Variants in MAN2A2 observed in about 807,000 individuals in gnomAD.
The protein encoded by MAN2A2 is mannosidase alpha class 2A member 2.
Under a neutral mutation model 126.8 loss-of-function variants are expected in MAN2A2, and 79 were observed. The ratio of observed to expected loss-of-function variants is 0.62; its 90% CI spans 0.52 to 0.75. The LOEUF is 0.75. Among genes scored for constraint, MAN2A2 ranks in the 30% least tolerant of loss-of-function variants. The probability of loss-of-function intolerance (pLI) is 0.00; values close to 1 mark genes in which losing one functional copy is unlikely to be tolerated. For missense variants in MAN2A2, 1,392 were observed against 1,522.4 expected (o/e 0.91, Z 1.43); for synonymous variants, 671 against 618.7 (o/e 1.08, Z -1.25).
At chr15:90,909,950 C>T (rs772526469) in intron 9 of MAN2A2, 140 bp from the exon 10 acceptor site, 12 of 731,886 alleles carry the variant, frequency 1.6e-5, no homozygotes, top group Non-Finnish European at 2.6e-5. Flanking sequence ...TCCCCTACTT[C>T]TGTTAAGTCT....
At chr15:90,905,536 C>T in intron 3 of MAN2A2, 28 bp downstream of exon 3, 1 of 1,614,078 alleles carries the variant, frequency 6.2e-7, no homozygotes, top group Non-Finnish European at 8.5e-7. Flanking sequence ...CAGGGACGTA[C>T]AGTGGCCACG....
At chr15:90,906,165 A>G (rs919590296) in intron 5 of MAN2A2, 149 bp downstream of exon 5, 17 of 1,337,978 alleles carry the variant, frequency 1.3e-5, no homozygotes, top group Non-Finnish European at 1.7e-5. Context: ...GAGGGAAGGC[A>G]AAAACAGATA....
Position 90,910,994 on chromosome 15 carries a change from C to G in MAN2A2, c.1875+33C>G, listed in dbSNP as rs773533564. 2.5e-6 allele frequency: 4 copies of G among 1,571,122 alleles called. No individual in the cohort carries two copies. The Admixed American group carries it at 5.0e-5, about 20-fold the overall frequency. ...CCTCCTGGGTCTGCATGGGGACCCTCTGGTGTGTGCAGGTCCCATCCCAAG... is the reference window on the plus strand; with the variant it reads ...CCTCCTGGGTCTGCATGGGGACCCTGTGGTGTGTGCAGGTCCCATCCCAAG... On this transcript the variant is annotated intron_variant, in intron 12 of 22. Transcript: ENST00000559717.
At chr15:90,919,242 CAT>C (rs2035418187) in intron 22 of MAN2A2, among the ~76,000 whole-genome samples, 3 of 152,206 alleles carry the variant, frequency 2.0e-5, no homozygotes, top group Admixed American at 1.3e-4. Context: ...GATGCACACT[CAT>C]GTGTAAGAAG....
chr15:90,916,025 G>A lies in MAN2A2; in HGVS notation c.2861-98G>A, dbSNP rs1007817315. 3.1e-5 allele frequency: 43 copies of A among 1,401,428 alleles called. 1 individual carries two copies. Among genetic ancestry groups the A allele is most frequent in the Middle Eastern group, 2.1e-4 (1 of 4,862 alleles). The allele number at this position is 1,401,428 out of a possible 1,614,324, so 86.8% of individuals were successfully genotyped here. ...ACTCAGCTTCTGTCTCTCGAGCTGC[G>A]CTTTTCCGTCAGGGCCTGTGGCTTG... On this transcript the variant is annotated intron_variant, in intron 19 of 22. Coordinates refer to ENST00000559717, the MANE Select transcript of MAN2A2 (RefSeq NM_006122.4).
At chr15:90,913,214 C>G in intron 17 of MAN2A2, 59 bp from the exon 18 acceptor site, 1 of 1,590,808 alleles carries the variant, frequency 6.3e-7, no homozygotes, top group South Asian at 1.1e-5. Context: ...CCAGCCCAGC[C>G]TCTTAGCTGT....
At chr15:90,911,348 C>T (rs1414719839) in intron 13 of MAN2A2, 37 bp from the exon 14 acceptor site, 1 of 1,613,364 alleles carries the variant, frequency 6.2e-7, no homozygotes, top group South Asian at 1.1e-5. Flanking sequence ...TGGTCGGAAG[C>T]AGCAGCCTCC....
chr15:90,913,235 C>A (rs1035502911), intron 17 of MAN2A2, 38 bp from the exon 18 acceptor site: 2 of 1,608,590 alleles, frequency 1.2e-6, no homozygotes, highest in African/African-American at 1.3e-5. Context: ...GCTTCAGCCT[C>A]ACACCTGTCC....
intron 9 of MAN2A2, 101 bp downstream of exon 9, chr15:90,909,605 C>CTTTTTT (rs147151470): frequency 4.7e-6 from 4 of 849,482 alleles, no homozygotes; most frequent in African/African-American, 3.6e-5. Flanking sequence ...GGGTGCCCCC[C>CTTTTTT]TTTTTTTTTT....
At position 90,907,342 on chromosome 15, in the gene MAN2A2, T is replaced by C. The variant is rs1296450234; in HGVS notation, c.1043T>C (p.Met348Thr). 6.2e-7 allele frequency: 1 copy of C among 1,614,026 alleles called. No individual in the cohort carries two copies. Among genetic ancestry groups the C allele is most frequent in the African/African-American group, 1.3e-5 (1 of 74,956 alleles). Residue 348 changes from methionine (M) to threonine (T), a missense_variant, in exon 8 of 23, where the codon ATG becomes ACG. Physicochemically the swap from Met to Thr is moderately conservative, Grantham distance 81 (BLOSUM62 -1). Transcript: ENST00000559717. ...TCCAGCACAGACATCTTCTGTCACA[T>C]GATGCCCTTCTACAGCTATGACGTC... ...SDSSTDIFCH[M>T]MPFYSYDVPH... is the part of the protein sequence containing the mutation.
rs776175036 is a variant in MAN2A2 at position 90,912,247 on chromosome 15, G to A, written c.2314G>A (p.Val772Ile). 8 of 1,614,250 alleles carry A rather than the reference G, an allele frequency of 5.0e-6. 1 individual carries two copies. The South Asian group carries it at 8.8e-5, about 18-fold the overall frequency. The change falls in exon 15 of 23, where the codon GTC becomes ATC. Residue 772 changes from valine to isoleucine, a missense_variant. Val to Ile is a conservative substitution (Grantham distance 29, BLOSUM62 3). Transcript: ENST00000559717. ...CGCCCTCAGCAACCGCTACATGCAG[G>A]TCTGGTTCTCAGGCCTTACTGGGCT... ...DFALSNRYMQ[V>I]WFSGLTGLLK...
chr15:90,908,306 AG>A (rs2034454081), intron 8 of MAN2A2, among the ~76,000 whole-genome samples: 1 of 152,240 alleles, frequency 6.6e-6, no homozygotes, highest in East Asian at 1.9e-4. Flanking sequence ...GTGGTATTTG[AG>A]GAATCCTCTC....
At position 90,920,190 on chromosome 15, in the gene MAN2A2, C is replaced by T; in HGVS notation, c.*403C>T. On this transcript the variant is annotated 3_prime_UTR_variant, in exon 23 of 23. Coordinates refer to ENST00000559717, the MANE Select transcript of MAN2A2 (RefSeq NM_006122.4). ...CAGCCCAGCATCAGGGTCACTGTGG[C>T]AACAGCAGGCTCTAGGGGAATCCTG... The T allele has an allele frequency of 5.0e-6, 1 of 200,474 alleles. No individual in the cohort carries two copies. The highest frequency in any genetic ancestry group is 1.0e-5 in the Non-Finnish European group (1 of 97,376). The allele number at this position is 200,474 out of a possible 1,614,324, so 12.4% of individuals were successfully genotyped here. A position where few individuals can be genotyped will look rare whatever the true frequency, so the allele number is the denominator to read the frequency against.
Position 90,918,229 on chromosome 15 carries a change from C to T in MAN2A2, c.3030C>T (p.Leu1010=), listed in dbSNP as rs1486549934. 1 of 1,613,972 alleles carries T rather than the reference C, an allele frequency of 6.2e-7. No individual in the cohort carries two copies. The highest frequency in any genetic ancestry group is 1.3e-5 in the African/African-American group (1 of 74,908). Residue 1010 remains leucine, a synonymous_variant, in exon 21 of 23, where the codon CTC becomes CTT. Transcript: ENST00000559717. ...GCCACTCTACCAGCTACCCATCCCT[C>T]CTCAGCCACCTGACCTCCATGTACC... ...QDSHSTSYPS[L]LSHLTSMYLN...
In MAN2A2 at chr15:90,905,267, T is replaced by C. The variant is rs1454440318; in HGVS notation, c.149T>C (p.Leu50Pro). ...TTTTGGCAGAGCCAAATTTCTGTGC[T>C]GCAGAACCGCATTGAGCAGCTGGAG... The part of the protein sequence containing the change: ...GNFPRSQISV[L>P]QNRIEQLEQL... The change falls in exon 3 of 23, where the codon CTG becomes CCG. Residue 50 changes from leucine to proline, a missense_variant. Physicochemically the swap from Leu to Pro is moderately conservative, Grantham distance 98 (BLOSUM62 -3). Transcript: ENST00000559717. The C allele has an allele frequency of 6.2e-7, 1 of 1,612,928 alleles. No individual in the cohort carries two copies. The highest frequency in any genetic ancestry group is 8.5e-7 in the Non-Finnish European group (1 of 1,180,016).
In MAN2A2 at chr15:90,913,704, C is replaced by CGCCTCACGCTGCACACTGCCCAG; in HGVS notation, c.2813_2835dup (p.Leu946SerfsTer21). ...GGCCTATATCCAGGACGCACAGAAGCGCCTCACGCTGCACACTGCCCAGGC... is the reference window on the plus strand; with the variant it reads ...GGCCTATATCCAGGACGCACAGAAGCGCCTCACGCTGCACACTGCCCAGGCCTCACGCTGCACACTGCCCAGGC... On this transcript the variant is annotated frameshift_variant, in exon 19 of 23. Coordinates refer to ENST00000559717, the MANE Select transcript of MAN2A2 (RefSeq NM_006122.4). LOFTEE classifies it high-confidence loss of function. 1 of 1,605,990 alleles carries CGCCTCACGCTGCACACTGCCCAG rather than the reference C, an allele frequency of 6.2e-7. No individual in the cohort carries two copies.
In MAN2A2 at chr15:90,910,697, CT is replaced by C; in HGVS notation, c.1760+18del. ...CTATGGGGTCAGGTGGGAGCCTTCTCTTTTCCCTTGTAAGCTCCCCTGCTCA... is the reference window on the plus strand; with the variant it reads ...CTATGGGGTCAGGTGGGAGCCTTCTCTTTCCCTTGTAAGCTCCCCTGCTCA... On this transcript the variant is annotated intron_variant, in intron 11 of 22. Transcript: ENST00000559717. 6.2e-7 allele frequency: 1 copy of C among 1,613,092 alleles called. No homozygotes were observed. The highest frequency in any genetic ancestry group is 1.1e-5 in the South Asian group (1 of 91,076).
In MAN2A2 at chr15:90,904,631, C is replaced by T. The variant is rs899226629; in HGVS notation, c.132+292C>T. Among the ~76,000 whole-genome samples, 6 of 151,950 alleles carry T rather than the reference C, an allele frequency of 3.9e-5. No homozygotes were observed. In the East Asian group the frequency reaches 9.7e-4, roughly 24 times the overall value. ...TTGAGACAGAGTCTCGCTCTGTCGC[C>T]CAGCCTTGAGTGCAGTGGCGCGATC... On this transcript the variant is annotated intron_variant, in intron 2 of 22. Transcript: ENST00000559717.
Position 90,910,609 on chromosome 15 carries a change from A to C in MAN2A2, c.1686A>C (p.Thr562=). The C allele has an allele frequency of 6.2e-7, 1 of 1,614,108 alleles. No homozygotes were observed. The highest frequency in any genetic ancestry group is 8.5e-7 in the Non-Finnish European group (1 of 1,180,010). ...DFTLLTEARR[T]LGLFQHHDAI... ...CCCTCCTGACGGAAGCTCGGCGCAC[A>C]TTGGGGCTCTTCCAGCATCACGATG... The change falls in exon 11 of 23, where the codon ACA becomes ACC. Residue 562 remains threonine, a synonymous_variant. Coordinates refer to ENST00000559717, the MANE Select transcript of MAN2A2 (RefSeq NM_006122.4).
Sources: allele counts gnomAD v4.1 joint callset (sites outside exome capture counted in the v4.1 genomes callset), GRCh38; gene constraint gnomAD v4.1.1; transcripts MANE v1.5; gene names NCBI Gene and HGNC (gene_info 2026-07-23, HGNC 2026-07-21).